The following PHACTR1 variants were observed in gnomAD, a reference collection of about 807,000 sequenced individuals.
PHACTR1 encodes the protein RPEL repeat containing 1.
A neutral mutation model predicts 69.2 loss-of-function variants in PHACTR1; 16 were observed. That is an observed-to-expected ratio of 0.23 (90% CI 0.16 to 0.35). PHACTR1 has a LOEUF of 0.35. Ranked by LOEUF, PHACTR1 falls within the 10% of genes least tolerant of loss-of-function variation. The probability of loss-of-function intolerance (pLI) is 1.00; values close to 1 mark genes in which losing one functional copy is unlikely to be tolerated. For synonymous variants in PHACTR1, 312 were observed against 284.5 expected (o/e 1.10, Z -0.97); for missense variants, 510 against 734.7 (o/e 0.69, Z 3.54).
intron 3 of PHACTR1, among the ~76,000 whole-genome samples, chr6:12,747,403 C>T (rs1278042297): frequency 6.6e-6 from 1 of 152,028 alleles, no homozygotes; most frequent in African/African-American, 2.4e-5. Context: ...GTGGCTCATG[C>T]TTGTATTCCC....
chr6:12,844,557 G>T (rs1351989598), intron 4 of PHACTR1, among the ~76,000 whole-genome samples: 1 of 152,146 alleles, frequency 6.6e-6, no homozygotes, highest in Non-Finnish European at 1.5e-5. Context: ...CTGAGGTAAA[G>T]CACACAAACC....
chr6:12,831,469 A>G (rs1398064318), intron 4 of PHACTR1, among the ~76,000 whole-genome samples: 1 of 151,532 alleles, frequency 6.6e-6, no homozygotes, highest in Non-Finnish European at 1.5e-5. Context: ...CTATTATTTC[A>G]TAACTCAGTA....
intron 4 of PHACTR1, among the ~76,000 whole-genome samples, chr6:13,018,310 G>T (rs1800468321): frequency 6.6e-6 from 1 of 152,174 alleles, no homozygotes; most frequent in Non-Finnish European, 1.5e-5. Context: ...TGTCCTTGAA[G>T]AGGGAAGCAG....
At chr6:12,769,866 C>A (rs1251461365) in intron 4 of PHACTR1, among the ~76,000 whole-genome samples, 4 of 152,196 alleles carry the variant, frequency 2.6e-5, no homozygotes, top group Non-Finnish European at 4.4e-5. Context: ...TTTAACCCCC[C>A]AAGTCGAGCC....
chr6:12,981,914 T>C (rs1031408761), intron 4 of PHACTR1, among the ~76,000 whole-genome samples: 1 of 152,182 alleles, frequency 6.6e-6, no homozygotes, highest in African/African-American at 2.4e-5. Context: ...CCCCATCAAA[T>C]TATTTGTATC....
intron 4 of PHACTR1, among the ~76,000 whole-genome samples, chr6:12,857,354 G>A (rs960361068): frequency 6.6e-6 from 1 of 152,150 alleles, no homozygotes. Context: ...GTTCATGCCT[G>A]TAGTCCCGGC....
At chr6:13,219,333 A>G (rs114919681) in intron 8 of PHACTR1, among the ~76,000 whole-genome samples, 1 of 152,108 alleles carries the variant, frequency 6.6e-6, no homozygotes, top group South Asian at 2.1e-4. Flanking sequence ...TTGTGAGCTT[A>G]CTCGTTAGTG....
At position 12,889,425 on chromosome 6, in the gene PHACTR1, G is replaced by A. The variant is rs77796193; in HGVS notation, c.250+139635G>A. Among the ~76,000 whole-genome samples, 314 of 152,296 alleles carry A rather than the reference G, an allele frequency of 2.1e-3. 2 individuals carry two copies. The highest frequency in any genetic ancestry group is 8.3e-3 in the East Asian group (43 of 5,190). ...TGATTCAACATGTCCTAATCAATGC[G>A]TGCTGGGAGAACTACAAATGTAAAG... On this transcript the variant is annotated intron_variant, in intron 4 of 14. Coordinates refer to ENST00000332995, the MANE Select transcript of PHACTR1 (RefSeq NM_030948.6).
intron 8 of PHACTR1, among the ~76,000 whole-genome samples, chr6:13,211,933 A>G (rs1187001788): frequency 1.3e-5 from 2 of 152,090 alleles, no homozygotes; most frequent in Non-Finnish European, 2.9e-5. Context: ...CACACACACA[A>G]TGCGTGACTT....
chr6:13,249,047 A>G (rs953072209), intron 10 of PHACTR1, among the ~76,000 whole-genome samples: 2 of 152,146 alleles, frequency 1.3e-5, no homozygotes, highest in African/African-American at 4.8e-5. Flanking sequence ...TACCATTTTT[A>G]AAGGTTTGAT....
chr6:12,848,299 A>G (rs1779489983), intron 4 of PHACTR1, among the ~76,000 whole-genome samples: 1 of 152,176 alleles, frequency 6.6e-6, no homozygotes, highest in Non-Finnish European at 1.5e-5. Context: ...TCTCTGACAT[A>G]CTCTTACCAA....
intron 7 of PHACTR1, among the ~76,000 whole-genome samples, chr6:13,197,743 G>T (rs1290890634): frequency 2.0e-5 from 3 of 152,138 alleles, no homozygotes; most frequent in African/African-American, 4.8e-5. Context: ...GTTTCACCAG[G>T]ACATTCTGCC....
chr6:12,749,724 A>G lies in PHACTR1; in HGVS notation c.184A>G (p.Arg62Gly). 1 of 1,611,952 alleles carries G rather than the reference A, an allele frequency of 6.2e-7. No homozygotes were observed. The change falls in exon 4 of 15, where the codon AGA (arginine) becomes GGA (glycine). Residue 62 changes from arginine to glycine, a missense_variant. Physicochemically the swap from Arg to Gly is moderately radical, Grantham distance 125. Around this residue, in one of 2 missense-constraint regions of PHACTR1, gnomAD observed 419 missense variants for 530.9 expected, o/e 0.79. Transcript: ENST00000332995. ...TGATATAGACCGGCGGCCCATCCGGAGAGTGCGCTCCAAGAGCGACACGCC... is the reference window on the plus strand; with the variant it reads ...TGATATAGACCGGCGGCCCATCCGGGGAGTGCGCTCCAAGAGCGACACGCC... ...EDDIDRRPIR[R>G]VRSKSDTPYL...
intron 4 of PHACTR1, among the ~76,000 whole-genome samples, chr6:12,778,569 G>A (rs1343595643): frequency 6.6e-6 from 1 of 152,106 alleles, no homozygotes; most frequent in African/African-American, 2.4e-5. Context: ...CAAAAGGATT[G>A]TTTAGTTTAT....
intron 3 of PHACTR1, among the ~76,000 whole-genome samples, chr6:12,748,228 T>C (rs1037179935): frequency 2.6e-5 from 4 of 152,156 alleles, no homozygotes; most frequent in Admixed American, 2.6e-4. Flanking sequence ...ATATTTTTCC[T>C]AAAATGAGTA....
At chr6:13,100,149 A>T (rs1174681909) in intron 5 of PHACTR1, among the ~76,000 whole-genome samples, 1 of 152,220 alleles carries the variant, frequency 6.6e-6, no homozygotes, top group Admixed American at 6.5e-5. Flanking sequence ...CAAAAGATAG[A>T]TTCACAAGCA....
chr6:13,047,242 G>A (rs577260060), intron 4 of PHACTR1, among the ~76,000 whole-genome samples: 84 of 152,060 alleles, frequency 5.5e-4, no homozygotes, highest in African/African-American at 1.9e-3. Flanking sequence ...GCCGAGTGTG[G>A]TAGTGCACGC....
In PHACTR1 at chr6:13,179,749, C is replaced by T. The variant is rs6930015; in HGVS notation, c.497-2770C>T. ...ATAGATAGATAGATAGATAGATAGA[C>T]AGAACAAGGTTATCAATATTAATGT... On this transcript the variant is annotated intron_variant, in intron 6 of 14. Coordinates refer to ENST00000332995, the MANE Select transcript of PHACTR1 (RefSeq NM_030948.6). The surrounding 1 kb of genome is among the most constrained non-coding windows in gnomAD (Gnocchi z 4.2). Among the ~76,000 whole-genome samples the T allele has an allele frequency of 8.6e-3, 1,148 of 133,166 alleles. 20 individuals carry two copies. Among genetic ancestry groups the T allele is most frequent in the African/African-American group, 0.037 (1,067 of 28,706 alleles). The allele number at this position is 133,166 out of a possible 152,430, so 87.4% of individuals were successfully genotyped here.
At chr6:13,181,203 G>T (rs1317660530) in intron 6 of PHACTR1, among the ~76,000 whole-genome samples, 1 of 151,896 alleles carries the variant, frequency 6.6e-6, no homozygotes, top group Non-Finnish European at 1.5e-5. Flanking sequence ...TAATCGGGCG[G>T]GGGTGGGCCA....
Sources: gnomAD v4.1 joint callset for allele counts (sites outside exome capture counted in the v4.1 genomes callset) on GRCh38, gnomAD v4.1.1 for gene constraint, gnomAD v4.1.1 regional missense constraint, Gnocchi (gnomAD v3.1) non-coding constraint, MANE v1.5 for transcripts, NCBI Gene and HGNC (gene_info 2026-07-23, HGNC 2026-07-21) for gene names.